Variants in COL19A1 observed in about 807,000 individuals in gnomAD.
COL19A1 encodes collagen alpha-1(XIX) chain.
Under a neutral mutation model 190.2 loss-of-function variants are expected in COL19A1, and 159 were observed. That is an observed-to-expected ratio of 0.84 (90% CI 0.73 to 0.95). The LOEUF (loss-of-function observed/expected upper bound fraction) is 0.95, where lower values mean the gene tolerates loss of function less well. COL19A1 is among the 40% of genes least tolerant of loss of function. COL19A1 has a pLI of 0.00. For missense variants in COL19A1, 1,418 were observed against 1,431.9 expected (o/e 0.99, Z 0.16); for synonymous variants, 509 against 458.9 (o/e 1.11, Z -1.39).
At chr6:70,010,003 A>G (rs1242899222) in intron 11 of COL19A1, among the ~76,000 whole-genome samples, 2 of 152,226 alleles carry the variant, frequency 1.3e-5, no homozygotes, top group African/African-American at 2.4e-5. Context: ...AGAAGAAAAT[A>G]CAGAATAAAT....
At chr6:70,043,494 A>G (rs1174862143) in intron 14 of COL19A1, among the ~76,000 whole-genome samples, 2 of 152,130 alleles carry the variant, frequency 1.3e-5, no homozygotes, top group Non-Finnish European at 2.9e-5. Context: ...GCCCGGCCAC[A>G]AAATGTATTT....
rs549884136 is a variant in COL19A1 at position 70,129,761 on chromosome 6, G to A, written c.1342-421G>A. Among the ~76,000 whole-genome samples the A allele has an allele frequency of 1.6e-3, 240 of 152,328 alleles. 1 individual carries two copies. The highest frequency in any genetic ancestry group is 5.4e-3 in the African/African-American group (224 of 41,580). On this transcript the variant is annotated intron_variant, in intron 17 of 50. Coordinates refer to ENST00000620364, the MANE Select transcript of COL19A1 (RefSeq NM_001858.6). ...TTTTTTTCAGTGTAGTTACAGGCAA[G>A]GTCACTTGCCCAAGGACTGTAGAGT... is the stretch of plus-strand genomic sequence containing the variant.
At chr6:69,975,083 G>A (rs1456781665) in intron 11 of COL19A1, among the ~76,000 whole-genome samples, 1 of 152,084 alleles carries the variant, frequency 6.6e-6, no homozygotes, top group Non-Finnish European at 1.5e-5. Flanking sequence ...AAAGTGCTGG[G>A]ATTATAGGCG....
At chr6:70,023,836 G>A (rs1778584380) in intron 12 of COL19A1, among the ~76,000 whole-genome samples, 156 bp downstream of exon 12, 2 of 152,162 alleles carry the variant, frequency 1.3e-5, no homozygotes, top group African/African-American at 4.8e-5. Flanking sequence ...CTCAGTAGAG[G>A]CCCAGTGTTT....
chr6:70,207,273 G>C lies in COL19A1; in HGVS notation c.3428G>C (p.Ter1143SerextTer49), dbSNP rs931810803. Residue 1143 changes from the stop codon to serine (S), a stop_lost, in exon 51 of 51, where the codon TGA (stop) becomes TCA (serine). Coordinates refer to ENST00000620364, the MANE Select transcript of COL19A1 (RefSeq NM_001858.6). Reference protein sequence around the residue: ...SHAHQRTGGN* With the variant: ...SHAHQRTGGNS ...GCCCATCAGCGCACAGGTGGGAATT[G>C]AACACACCTGAAGAAGACTTGGTTC... 1 of 1,583,018 alleles carries C rather than the reference G, an allele frequency of 6.3e-7. No individual in the cohort carries two copies. The highest frequency in any genetic ancestry group is 8.6e-7 in the Non-Finnish European group (1 of 1,160,460).
intron 11 of COL19A1, among the ~76,000 whole-genome samples, chr6:69,977,245 G>A (rs181010132): frequency 0.022 from 3,320 of 152,174 alleles, 58 homozygotes; most frequent in Non-Finnish European, 0.032. Flanking sequence ...AAAAAATGAT[G>A]AGTTCATGTC....
At chr6:69,967,514 A>T (rs989278150) in intron 11 of COL19A1, among the ~76,000 whole-genome samples, 3 of 152,118 alleles carry the variant, frequency 2.0e-5, no homozygotes, top group African/African-American at 4.8e-5. Flanking sequence ...TTTATTGCTG[A>T]TCTTTTCTTC....
chr6:70,039,373 C>A (rs1460282620), intron 14 of COL19A1, among the ~76,000 whole-genome samples: 4 of 152,206 alleles, frequency 2.6e-5, no homozygotes, highest in Non-Finnish European at 5.9e-5. Context: ...CTTTCAGGAG[C>A]TTCCAGGAGA....
At chr6:69,933,380 A>G (rs1772903743) in intron 7 of COL19A1, among the ~76,000 whole-genome samples, 1 of 152,108 alleles carries the variant, frequency 6.6e-6, no homozygotes, top group African/African-American at 2.4e-5. Context: ...CAGCATAACC[A>G]GAATAAGTCT....
At chr6:70,203,652 C>A (rs551998485) in intron 49 of COL19A1, among the ~76,000 whole-genome samples, 1 of 151,420 alleles carries the variant, frequency 6.6e-6, no homozygotes, top group Non-Finnish European at 1.5e-5. Flanking sequence ...TGTATACAGG[C>A]GCACAGATTT....
chr6:70,078,891 ACT>A (rs1216320639), intron 15 of COL19A1, among the ~76,000 whole-genome samples: 1 of 152,038 alleles, frequency 6.6e-6, no homozygotes, highest in African/African-American at 2.4e-5. Flanking sequence ...ACATGGTGAA[ACT>A]CTGTCTCTAC....
At chr6:70,184,777 T>C (rs1766402014) in intron 45 of COL19A1, 39 bp downstream of exon 45, 2 of 1,602,226 alleles carry the variant, frequency 1.2e-6, no homozygotes, top group Non-Finnish European at 8.5e-7. Flanking sequence ...TTATAATGCA[T>C]ACTGCATCCA....
chr6:70,115,799 T>G (rs908098213), intron 16 of COL19A1, among the ~76,000 whole-genome samples: 4 of 147,868 alleles, frequency 2.7e-5, no homozygotes, highest in Admixed American at 7.0e-5. Flanking sequence ...AGTTGTTGTT[T>G]TTTTTGTTTT....
At chr6:69,886,528 C>T (rs901113465) in intron 2 of COL19A1, among the ~76,000 whole-genome samples, 1 of 152,116 alleles carries the variant, frequency 6.6e-6, no homozygotes, top group East Asian at 1.9e-4. Context: ...TATATCTGCA[C>T]CCCCATATTC....
chr6:70,008,111 C>A (rs1777745067), intron 11 of COL19A1, among the ~76,000 whole-genome samples: 1 of 151,544 alleles, frequency 6.6e-6, no homozygotes, highest in South Asian at 2.1e-4. Flanking sequence ...ATCTAAGTAT[C>A]CACCTCCAAG....
intron 23 of COL19A1, 79 bp downstream of exon 23, chr6:70,142,899 A>G (rs1786357255): frequency 7.7e-7 from 1 of 1,297,264 alleles, no homozygotes; most frequent in African/African-American, 1.5e-5. Flanking sequence ...CATGTGTTCA[A>G]GTAACTGAGT....
chr6:70,126,846 G>A (rs749209624), intron 17 of COL19A1, among the ~76,000 whole-genome samples: 5 of 152,184 alleles, frequency 3.3e-5, no homozygotes, highest in Non-Finnish European at 7.3e-5. Context: ...TGGTTCCTTG[G>A]CCATCTTCAC....
intron 11 of COL19A1, among the ~76,000 whole-genome samples, chr6:70,007,003 G>A (rs1777677474): frequency 6.6e-6 from 1 of 152,050 alleles, no homozygotes; most frequent in Non-Finnish European, 1.5e-5. Context: ...AATGAAGGCA[G>A]GAGAGAAAGA....
intron 11 of COL19A1, among the ~76,000 whole-genome samples, chr6:69,995,046 ACT>A (rs768066606): frequency 6.6e-6 from 1 of 151,672 alleles, no homozygotes; most frequent in Non-Finnish European, 1.5e-5. Flanking sequence ...TCACATACAC[ACT>A]CTCTCTTTCT....
Sources: allele counts gnomAD v4.1 joint callset (sites outside exome capture counted in the v4.1 genomes callset), GRCh38; gene constraint gnomAD v4.1.1; transcripts MANE v1.5; gene names NCBI Gene and HGNC (gene_info 2026-07-23, HGNC 2026-07-21).